The following LIN28B variants were observed in gnomAD, a reference collection of about 807,000 sequenced individuals.
The protein encoded by LIN28B is protein lin-28 homolog B.
A neutral mutation model predicts 21.9 loss-of-function variants in LIN28B; 5 were observed. The ratio of observed to expected loss-of-function variants is 0.23; its 90% CI spans 0.12 to 0.48. LIN28B has a LOEUF of 0.48. Among genes scored for constraint, LIN28B ranks in the 20% least tolerant of loss-of-function variants. The pLI, the probability that LIN28B is intolerant of heterozygous loss-of-function variation, is 0.98. For synonymous variants in LIN28B, 109 were observed against 111.3 expected, an observed-to-expected ratio of 0.98 and a Z score of 0.13; for missense variants, 245 against 310.5, an observed-to-expected ratio of 0.79 and a Z score of 1.58.
chr6:105,024,045 C>T (rs1266249398), intron 2 of LIN28B, among the ~76,000 whole-genome samples: 2 of 151,892 alleles, frequency 1.3e-5, no homozygotes, highest in African/African-American at 2.4e-5. Context: ...TGCAGTGACA[C>T]GATCTCGATC....
At chr6:105,008,061 T>C (rs1459764150) in intron 2 of LIN28B, among the ~76,000 whole-genome samples, 1 of 152,202 alleles carries the variant, frequency 6.6e-6, no homozygotes, top group Admixed American at 6.5e-5. Context: ...TGTCCAAACT[T>C]TAATTTTATT....
chr6:105,034,185 G>A (rs1045648075), intron 3 of LIN28B, among the ~76,000 whole-genome samples: 4 of 151,518 alleles, frequency 2.6e-5, no homozygotes, highest in African/African-American at 7.3e-5. Context: ...TTTAAATTCC[G>A]ATTTTTTTAG....
chr6:104,937,302 A>AT (rs1393917857), intron 2 of LIN28B, among the ~76,000 whole-genome samples: 1 of 151,834 alleles, frequency 6.6e-6, no homozygotes, highest in Non-Finnish European at 1.5e-5. Flanking sequence ...CCCAGCTAGT[A>AT]TTTTGTAGAG....
intron 2 of LIN28B, among the ~76,000 whole-genome samples, chr6:104,946,768 T>C (rs1277672280): frequency 6.6e-6 from 1 of 151,746 alleles, no homozygotes; most frequent in Admixed American, 6.6e-5. Flanking sequence ...ATACTATAGA[T>C]TAATTTTTCT....
intron 2 of LIN28B, among the ~76,000 whole-genome samples, chr6:105,023,330 TAA>T (rs1771183394): frequency 3.1e-5 from 1 of 32,008 alleles, no homozygotes; most frequent in Non-Finnish European, 5.1e-5. Context: ...ATAATATATA[TAA>T]TTATATTATA....
chr6:105,026,600 A>C, intron 3 of LIN28B, 118 bp downstream of exon 3: 1 of 618,732 alleles, frequency 1.6e-6, no homozygotes, highest in Non-Finnish European at 2.8e-6. Flanking sequence ...CATCATGTAG[A>C]ATATATTAAA....
chr6:105,060,013 C>T (rs1342184003), intron 3 of LIN28B, among the ~76,000 whole-genome samples: 1 of 151,846 alleles, frequency 6.6e-6, no homozygotes, highest in African/African-American at 2.4e-5. Flanking sequence ...AAGCGATTCT[C>T]CTGCCTCAGC....
chr6:105,078,803 C>T lies in LIN28B; in HGVS notation c.*20C>T. On this transcript the variant is annotated 3_prime_UTR_variant, in exon 4 of 4. Transcript: ENST00000345080. ...ACATAACAGGTCTTCTTCATATGTT[C>T]TTTCCTTTACCCGGTTGCAAAGTCT... 1 of 1,600,198 alleles carries T rather than the reference C, an allele frequency of 6.2e-7. No homozygotes were observed. The highest frequency in any genetic ancestry group is 8.5e-7 in the Non-Finnish European group (1 of 1,171,588).
chr6:105,025,712 C>T (rs1346300609), intron 2 of LIN28B, among the ~76,000 whole-genome samples: 4 of 152,022 alleles, frequency 2.6e-5, no homozygotes, highest in Non-Finnish European at 5.9e-5. Context: ...AGTTCAAGAC[C>T]AGCTTGGGCA....
At chr6:105,033,407 AT>A (rs1771464238) in intron 3 of LIN28B, among the ~76,000 whole-genome samples, 1 of 152,052 alleles carries the variant, frequency 6.6e-6, no homozygotes, top group African/African-American at 2.4e-5. Flanking sequence ...GGCAAAAAAA[AT>A]GTAAAATAAT....
chr6:105,035,753 A>G (rs1482094267), intron 3 of LIN28B, among the ~76,000 whole-genome samples: 3 of 152,180 alleles, frequency 2.0e-5, no homozygotes, highest in African/African-American at 7.2e-5. Flanking sequence ...ATATCAGGAA[A>G]TGTAAAAATA....
At chr6:105,034,974 A>G (rs1771496021) in intron 3 of LIN28B, among the ~76,000 whole-genome samples, 1 of 151,992 alleles carries the variant, frequency 6.6e-6, no homozygotes, top group Non-Finnish European at 1.5e-5. Context: ...CTGAAAACTA[A>G]CTAGTGGTAA....
At chr6:104,952,842 C>G (rs1320821024), upstream of LIN28B, among the ~76,000 whole-genome samples, 1 of 152,140 alleles carries the variant, frequency 6.6e-6, no homozygotes, top group Non-Finnish European at 1.5e-5. Flanking sequence ...ATTTTTACCT[C>G]TGTATAAAAA....
At position 104,957,257 on chromosome 6, in the gene LIN28B, G is replaced by A. The variant is rs1778302979; in HGVS notation, c.7G>A (p.Glu3Lys). Residue 3 changes from glutamate to lysine, a missense_variant, in exon 1 of 4, where the codon GAA (glutamate) becomes AAA (lysine). By Grantham distance (56) the Glu-to-Lys change is moderately conservative. Transcript: ENST00000345080. MA[E>K]GGASKGGGEE... Reference sequence around the variant, plus strand: ...TGAGGGCCCGTGGGGCAACATGGCCGAAGGTTAATTTTCTTTTCTATTGTT... The same window carrying A: ...TGAGGGCCCGTGGGGCAACATGGCCAAAGGTTAATTTTCTTTTCTATTGTT... 1 of 1,608,356 alleles carries A rather than the reference G, an allele frequency of 6.2e-7. No homozygotes were observed. The highest frequency in any genetic ancestry group is 2.2e-5 in the East Asian group (1 of 44,810).
intron 2 of LIN28B, among the ~76,000 whole-genome samples, chr6:104,958,830 G>C (rs1769647492): frequency 6.6e-6 from 1 of 152,162 alleles, no homozygotes; most frequent in Non-Finnish European, 1.5e-5. Context: ...ATAGAACACT[G>C]TTGGCCTAAT....
At chr6:105,012,421 A>G (rs967362883) in intron 2 of LIN28B, among the ~76,000 whole-genome samples, 1 of 151,868 alleles carries the variant, frequency 6.6e-6, no homozygotes, top group South Asian at 2.1e-4. Context: ...GTGAGCTGAG[A>G]TCACACCATT....
chr6:104,967,056 C>G (rs528577718), intron 2 of LIN28B, among the ~76,000 whole-genome samples: 2 of 152,106 alleles, frequency 1.3e-5, no homozygotes, highest in Admixed American at 1.3e-4. Flanking sequence ...GCGTGAATCA[C>G]CATGCCTGGC....
In LIN28B at chr6:105,082,312, AGTTTT is replaced by A. The variant is rs1562118468; in HGVS notation, c.*3530_*3534del. 1 of 152,610 alleles carries A rather than the reference AGTTTT, an allele frequency of 6.6e-6. No homozygotes were observed. Among genetic ancestry groups the A allele is most frequent in the Non-Finnish European group, 1.5e-5 (1 of 68,034 alleles). The allele number at this position is 152,610 out of a possible 1,614,324, so 9.5% of individuals were successfully genotyped here. ...GCCGATACTTTTTTTATTCTGGCTCAGTTTTATTTTGCACCAGTGCGGCCCCAAGT... is the reference window on the plus strand; with the variant it reads ...GCCGATACTTTTTTTATTCTGGCTCAATTTTGCACCAGTGCGGCCCCAAGT... On this transcript the variant is annotated 3_prime_UTR_variant, in exon 4 of 4. Coordinates refer to ENST00000345080, the MANE Select transcript of LIN28B (RefSeq NM_001004317.4).
At chr6:104,979,256 C>T (rs1167125352) in intron 2 of LIN28B, among the ~76,000 whole-genome samples, 1 of 151,252 alleles carries the variant, frequency 6.6e-6, no homozygotes, top group Admixed American at 6.6e-5. Flanking sequence ...GTCGCCCAGG[C>T]TGGAATGCAG....
Sources: allele counts gnomAD v4.1 joint callset (sites outside exome capture counted in the v4.1 genomes callset), GRCh38; gene constraint gnomAD v4.1.1; transcripts MANE v1.5; gene names NCBI Gene and HGNC (gene_info 2026-07-23, HGNC 2026-07-21).